The following NKD1 variants were observed in gnomAD, a reference collection of about 807,000 sequenced individuals.
NKD1 encodes protein naked cuticle homolog 1.
Under a neutral mutation model 56.0 loss-of-function variants are expected in NKD1, and 21 were observed. The ratio of observed to expected loss-of-function variants is 0.38; its 90% CI spans 0.27 to 0.54. The LOEUF (loss-of-function observed/expected upper bound fraction) is 0.54, where lower values mean the gene tolerates loss of function less well. Among genes scored for constraint, NKD1 ranks in the 20% least tolerant of loss-of-function variants. The pLI is 0.82. For missense variants in NKD1, 578 were observed against 642.7 expected, an observed-to-expected ratio of 0.90 and a Z score of 1.09; for synonymous variants, 263 against 265.7, an observed-to-expected ratio of 0.99 and a Z score of 0.10.
intron 3 of NKD1, among the ~76,000 whole-genome samples, chr16:50,579,663 C>T (rs567377709): frequency 7.7e-4 from 111 of 144,758 alleles, no homozygotes; most frequent in African/African-American, 2.5e-3. Context: ...CCGCTACACA[C>T]GCACTCTAAC....
chr16:50,625,395 C>T, intron 5 of NKD1, 90 bp from the exon 6 acceptor site: 1 of 901,600 alleles, frequency 1.1e-6, no homozygotes, highest in Non-Finnish European at 1.8e-6. Flanking sequence ...GGTGGCCGCC[C>T]CTTGGCCTGG....
chr16:50,631,668 C>T (rs1032406265), intron 8 of NKD1, among the ~76,000 whole-genome samples: 3 of 152,190 alleles, frequency 2.0e-5, no homozygotes, highest in African/African-American at 4.8e-5. Context: ...GGGAGCAGAT[C>T]GAAGAGGTCC....
At chr16:50,603,115 T>C (rs1281913194) in intron 3 of NKD1, among the ~76,000 whole-genome samples, 1 of 152,236 alleles carries the variant, frequency 6.6e-6, no homozygotes, top group Non-Finnish European at 1.5e-5. Context: ...GCATGTTGTC[T>C]ATGTTTTCTC....
At chr16:50,587,663 A>G (rs1961259609) in intron 3 of NKD1, among the ~76,000 whole-genome samples, 1 of 152,228 alleles carries the variant, frequency 6.6e-6, no homozygotes, top group Non-Finnish European at 1.5e-5. Flanking sequence ...ACCTAAGTCC[A>G]GAGTTGAATC....
At position 50,633,712 on chromosome 16, in the gene NKD1, G is replaced by A. The variant is rs755812498; in HGVS notation, c.1344G>A (p.Pro448=). 22 of 1,584,348 alleles carry A rather than the reference G, an allele frequency of 1.4e-5. No homozygotes were observed. Among genetic ancestry groups the A allele is most frequent in the East Asian group, 9.2e-5 (4 of 43,362 alleles). The change falls in exon 10 of 10, where the codon CCG becomes CCA. Residue 448 remains proline (P), a synonymous_variant. Coordinates refer to ENST00000268459, the MANE Select transcript of NKD1 (RefSeq NM_033119.5). The surrounding 1 kb of genome is among the most constrained non-coding windows in gnomAD (Gnocchi z 4.9). ...TGTATGAGAGCCAGGCCGGGCAGCCGGTCCAGAGACATGAGCACCACCACC... is the reference window on the plus strand; with the variant it reads ...TGTATGAGAGCCAGGCCGGGCAGCCAGTCCAGAGACATGAGCACCACCACC... The part of the protein sequence containing the change: ...LVVYESQAGQ[P]VQRHEHHHHH...
rs769967206 is a variant in NKD1 at position 50,549,472 on chromosome 16, TGGATCG to T, written c.113_118del (p.Ile38_Gly39del). The T allele has an allele frequency of 7.9e-5, 127 of 1,608,524 alleles. No individual in the cohort carries two copies. The highest frequency in any genetic ancestry group is 3.3e-4 in the Middle Eastern group (2 of 6,064). On this transcript the variant is annotated inframe_deletion, in exon 3 of 10. Transcript: ENST00000268459. The stretch of plus-strand genomic sequence containing the variant: ...CTGGGCTCGGAAGGGCATCGAGGAG[TGGATCG>T]GGAGACAGCGCTGCCCGGGCGGTGT...
chr16:50,552,812 G>A (rs1400175162), intron 3 of NKD1, among the ~76,000 whole-genome samples: 1 of 152,246 alleles, frequency 6.6e-6, no homozygotes, highest in East Asian at 1.9e-4. Flanking sequence ...CAAACAGGGA[G>A]TGATAGGGCT....
At chr16:50,571,495 G>T in intron 3 of NKD1, 1 of 985,398 alleles carries the variant, frequency 1.0e-6, no homozygotes, top group Non-Finnish European at 1.2e-6. Flanking sequence ...CCTGTCGGAA[G>T]CAGCCTTCCC....
chr16:50,575,401 G>A (rs1183145893), intron 3 of NKD1: 6 of 948,658 alleles, frequency 6.3e-6, no homozygotes, highest in African/African-American at 1.8e-5. Flanking sequence ...TTGTATTTTC[G>A]GGGAGAAAGA....
In NKD1 at chr16:50,598,865, G is replaced by A. The variant is rs1308932215; in HGVS notation, c.193-9429G>A. 1.3e-5 allele frequency among the ~76,000 whole-genome samples: 2 copies of A among 151,332 alleles called. No individual in the cohort carries two copies. Among genetic ancestry groups the A allele is most frequent in the Non-Finnish European group, 3.0e-5 (2 of 67,790 alleles). On this transcript the variant is annotated intron_variant, in intron 3 of 9. Coordinates refer to ENST00000268459, the MANE Select transcript of NKD1 (RefSeq NM_033119.5). This position sits in a 1 kb window ranked among gnomAD's most constrained non-coding sequence, Gnocchi z 4.2. The stretch of plus-strand genomic sequence containing the variant: ...GTGGTGCAATGTTCAGTGGTGTGGC[G>A]GGCAGTGGTGGGGCAGGATCAGTGG...
In NKD1 at chr16:50,608,235, C is replaced by T. The variant is rs112176590; in HGVS notation, c.193-59C>T. 693 of 1,191,234 alleles carry T rather than the reference C, an allele frequency of 5.8e-4. 7 individuals carry two copies. The African/African-American group carries it at 7.5e-3, about 13-fold the overall frequency. The allele number at this position is 1,191,234 out of a possible 1,614,324, so 73.8% of individuals were successfully genotyped here. A position where few individuals can be genotyped will look rare whatever the true frequency, so the allele number is the denominator to read the frequency against. The stretch of plus-strand genomic sequence containing the variant: ...AGGGTCCTCATGGCACTGCTTTTAA[C>T]GTCCCAGCACTGGGCTCCCCCAACC... On this transcript the variant is annotated intron_variant, in intron 3 of 9. Coordinates refer to ENST00000268459, the MANE Select transcript of NKD1 (RefSeq NM_033119.5).
chr16:50,563,595 G>A lies in NKD1; in HGVS notation c.192+14040G>A, dbSNP rs183777450. Among the ~76,000 whole-genome samples, 492 of 150,880 alleles carry A rather than the reference G, an allele frequency of 3.3e-3. 1 individual carries two copies. Among genetic ancestry groups the A allele is most frequent in the African/African-American group, 0.012 (476 of 40,874 alleles). ...TCAGGCTAAACTCCATCCTCAGTGGGCACAGCCCTGGATGCATGGAGAAGA... is the reference window on the plus strand; with the variant it reads ...TCAGGCTAAACTCCATCCTCAGTGGACACAGCCCTGGATGCATGGAGAAGA... On this transcript the variant is annotated intron_variant, in intron 3 of 9. Coordinates refer to ENST00000268459, the MANE Select transcript of NKD1 (RefSeq NM_033119.5).
chr16:50,643,434 A>T lies in NKD1; in HGVS notation c.*9653A>T, dbSNP rs1239472724. On this transcript the variant is annotated 3_prime_UTR_variant, in exon 10 of 10. Transcript: ENST00000268459. Reference sequence around the variant, plus strand: ...GACCAGTCCTACTCCGTTGTCTGCCATTACTCCAGCCAAGTCCAGGGACAC... The same window carrying T: ...GACCAGTCCTACTCCGTTGTCTGCCTTTACTCCAGCCAAGTCCAGGGACAC... The T allele has an allele frequency of 6.6e-6, 1 of 152,238 alleles. No individual in the cohort carries two copies. The highest frequency in any genetic ancestry group is 2.4e-5 in the African/African-American group (1 of 41,448). 9.4% of individuals were successfully genotyped at this position (152,238 alleles called of 1,614,324 possible). A position where few individuals can be genotyped will look rare whatever the true frequency, so the allele number is the denominator to read the frequency against.
chr16:50,633,268 G>A lies in NKD1; in HGVS notation c.900G>A (p.Pro300=), dbSNP rs200888723. Residue 300 remains proline, a synonymous_variant, in exon 10 of 10, where the codon CCG becomes CCA. Coordinates refer to ENST00000268459, the MANE Select transcript of NKD1 (RefSeq NM_033119.5). The surrounding 1 kb of genome is among the most constrained non-coding windows in gnomAD (Gnocchi z 4.9). ...SNPTRSRSHE[P]EAIHIPHRKP... ...CCACTCGATCTCGCTCCCATGAGCC[G>A]GAAGCCATCCACATCCCACACCGAA... 2.0e-5 allele frequency: 33 copies of A among 1,614,030 alleles called. No homozygotes were observed. Among genetic ancestry groups the A allele is most frequent in the East Asian group, 1.1e-4 (5 of 44,880 alleles).
At chr16:50,609,810 C>A (rs1961802222) in intron 4 of NKD1, among the ~76,000 whole-genome samples, 1 of 152,136 alleles carries the variant, frequency 6.6e-6, no homozygotes, top group Non-Finnish European at 1.5e-5. Flanking sequence ...TGTAAGCAGG[C>A]CCCAGATCAA....
chr16:50,607,301 A>G (rs891427805), intron 3 of NKD1: 3 of 229,276 alleles, frequency 1.3e-5, no homozygotes, highest in African/African-American at 6.8e-5. Flanking sequence ...TCTTTTGTTC[A>G]TCAAGAAGAG....
rs189856550 is a variant in NKD1 at position 50,562,918 on chromosome 16, G to A, written c.192+13363G>A. Among the ~76,000 whole-genome samples, 110 of 150,250 alleles carry A rather than the reference G, an allele frequency of 7.3e-4. 1 individual carries two copies. Among genetic ancestry groups the A allele is most frequent in the African/African-American group, 2.6e-3 (103 of 39,848 alleles). On this transcript the variant is annotated intron_variant, in intron 3 of 9. Coordinates refer to ENST00000268459, the MANE Select transcript of NKD1 (RefSeq NM_033119.5). ...ACTGTGGCTGCTTAAACTTGCAAGC[G>A]GATTTAGAGCTACCCTGGCAGTCAC...
chr16:50,574,378 G>A, intron 3 of NKD1: 1 of 985,440 alleles, frequency 1.0e-6, no homozygotes, highest in East Asian at 1.1e-4. Context: ...TTCAAAGGAT[G>A]CTGGGCCTCA....
intron 3 of NKD1, among the ~76,000 whole-genome samples, chr16:50,559,597 G>A (rs1399286934): frequency 6.6e-6 from 1 of 152,032 alleles, no homozygotes; most frequent in Non-Finnish European, 1.5e-5. Context: ...AGTGCCTGCT[G>A]GGCTGGGTGG....
Sources: allele counts gnomAD v4.1 joint callset (sites outside exome capture counted in the v4.1 genomes callset), GRCh38; gene constraint gnomAD v4.1.1; non-coding constraint Gnocchi (gnomAD v3.1); transcripts MANE v1.5; gene names NCBI Gene and HGNC (gene_info 2026-07-23, HGNC 2026-07-21).